The following SEC31A variants were observed in gnomAD, a reference collection of about 807,000 sequenced individuals.
The protein encoded by SEC31A is SEC31 homolog A, COPII component, also known as protein transport protein Sec31A.
A neutral mutation model predicts 151.0 loss-of-function variants in SEC31A; 70 were observed. The ratio of observed to expected loss-of-function variants is 0.46; its 90% CI spans 0.38 to 0.57. The LOEUF (loss-of-function observed/expected upper bound fraction) is 0.57. Among genes scored for constraint, SEC31A ranks in the 20% least tolerant of loss-of-function variants. SEC31A has a pLI of 0.00. For missense variants in SEC31A, 1,330 were observed against 1,471.2 expected, an observed-to-expected ratio of 0.90 and a Z score of 1.57; for synonymous variants, 475 against 505.9, an observed-to-expected ratio of 0.94 and a Z score of 0.82.
intron 8 of SEC31A, among the ~76,000 whole-genome samples, chr4:82,869,904 A>G (rs1441081401): frequency 1.3e-5 from 2 of 152,218 alleles, no homozygotes; most frequent in Non-Finnish European, 2.9e-5. Flanking sequence ...TATCATTCAG[A>G]AGAGAGATTG....
intron 22 of SEC31A, among the ~76,000 whole-genome samples, chr4:82,840,296 T>C (rs1365090245): frequency 6.6e-6 from 1 of 152,184 alleles, no homozygotes; most frequent in Non-Finnish European, 1.5e-5. Context: ...TAAGTGGGGA[T>C]TTACTCCAAC....
chr4:82,876,822 A>G (rs1001568615), intron 4 of SEC31A, among the ~76,000 whole-genome samples: 3 of 152,236 alleles, frequency 2.0e-5, no homozygotes, highest in Non-Finnish European at 2.9e-5. Context: ...GTTGGCATAT[A>G]ACTAAAAAAA....
intron 12 of SEC31A, 86 bp from the exon 13 acceptor site, chr4:82,862,658 G>T: frequency 1.7e-6 from 2 of 1,164,438 alleles, no homozygotes; most frequent in Admixed American, 1.8e-5. Flanking sequence ...TCTCACTGGC[G>T]AAAATCCACA....
At chr4:82,866,687 C>T in intron 10 of SEC31A, 121 bp downstream of exon 10, 1 of 860,530 alleles carries the variant, frequency 1.2e-6, no homozygotes, top group East Asian at 2.8e-5. Flanking sequence ...ATGAAATACC[C>T]ACAAGTACAT....
Position 82,867,254 on chromosome 4 carries a change from AT to A in SEC31A, c.944del (p.Asn315IlefsTer27). ...WCFDIQWCPR[N>X]PAVLSAASFD... ...ACGAAGCAGCTGATAAGACAGCAGG[AT>A]TTCGGGGACACCACTGAATATCGAA... On this transcript the variant is annotated frameshift_variant, in exon 9 of 27. Transcript: ENST00000395310. LOFTEE classifies it high-confidence loss of function. 1 of 1,614,208 alleles carries A rather than the reference AT, an allele frequency of 6.2e-7. No homozygotes were observed. Among genetic ancestry groups the A allele is most frequent in the Non-Finnish European group, 8.5e-7 (1 of 1,180,022 alleles).
chr4:82,829,427 A>G (rs373484555), intron 22 of SEC31A: 1 of 165,860 alleles, frequency 6.0e-6, no homozygotes, highest in Non-Finnish European at 1.3e-5. Context: ...AACAAACAAA[A>G]AAAAAACACA....
At chr4:82,894,543 T>C (rs1360363909), upstream of SEC31A, 1 of 152,268 alleles carries the variant, frequency 6.6e-6, no homozygotes, top group Non-Finnish European at 1.5e-5. Context: ...GTTGGTTTTC[T>C]TCAATTACGC....
intron 8 of SEC31A, among the ~76,000 whole-genome samples, chr4:82,869,206 G>A (rs1057337383): frequency 1.2e-4 from 18 of 151,812 alleles, no homozygotes; most frequent in South Asian, 4.2e-4. Flanking sequence ...TGCAAGCTCC[G>A]CCTCCCAGGT....
intron 17 of SEC31A, among the ~76,000 whole-genome samples, chr4:82,854,404 A>G (rs1227782586): frequency 6.7e-6 from 1 of 150,232 alleles, no homozygotes; most frequent in Non-Finnish European, 1.5e-5. Context: ...TGTAATTTTT[A>G]TATTCTTATA....
In SEC31A at chr4:82,848,867, C is replaced by A. The variant is rs749591409; in HGVS notation, c.2439G>T (p.Arg813Ser). 2 of 1,613,960 alleles carry A rather than the reference C, an allele frequency of 1.2e-6. No individual in the cohort carries two copies. Among genetic ancestry groups the A allele is most frequent in the African/African-American group, 2.7e-5 (2 of 74,912 alleles). The stretch of plus-strand genomic sequence containing the variant: ...GGTGGTGGCCAGCAACTGGTCCAGG[C>A]CTGCCCTTGGGGAGCTGCTGTTTCT... ...PYEKQQLPKG[R>S]PGPVAGHHQM... The change falls in exon 20 of 27, where the codon AGG (arginine) becomes AGT (serine). Residue 813 changes from arginine (R) to serine (S), a missense_variant. Physicochemically the swap from Arg to Ser is moderately radical, Grantham distance 110. Transcript: ENST00000395310.
chr4:82,847,135 A>C (rs564202785), intron 20 of SEC31A, among the ~76,000 whole-genome samples: 1 of 152,328 alleles, frequency 6.6e-6, no homozygotes, highest in South Asian at 2.1e-4. Context: ...TTAGGGGTTA[A>C]GTTCTGGGGA....
chr4:82,855,265 T>A (rs981614505), intron 16 of SEC31A, among the ~76,000 whole-genome samples: 14 of 152,158 alleles, frequency 9.2e-5, no homozygotes, highest in African/African-American at 3.4e-4. Context: ...TAAGGTGCTA[T>A]CAGAACCTTT....
At chr4:82,867,406 T>C in intron 8 of SEC31A, 90 bp from the exon 9 acceptor site, 6 of 1,085,012 alleles carry the variant, frequency 5.5e-6, no homozygotes, top group South Asian at 3.0e-5. Flanking sequence ...TCAACAAGTA[T>C]AGTTAAATTG....
At position 82,853,649 on chromosome 4, in the gene SEC31A, T is replaced by A. The variant is rs746923819; in HGVS notation, c.2075A>T (p.Tyr692Phe). The change falls in exon 18 of 27, where the codon TAT (tyrosine) becomes TTT (phenylalanine). Residue 692 changes from tyrosine to phenylalanine, a missense_variant. Transcript: ENST00000395310. The part of the protein sequence containing the change: ...SLLQTQACLC[Y>F]ICAGNVEKLV... ...TTTCTCTACATTCCCTGCACAAATA[T>A]AGCAGAGACATGCTTGAGTCTGCAG... The A allele has an allele frequency of 6.2e-7, 1 of 1,603,030 alleles. No homozygotes were observed. Among genetic ancestry groups the A allele is most frequent in the Non-Finnish European group, 8.5e-7 (1 of 1,177,042 alleles).
At chr4:82,847,756 T>C (rs1394242481) in intron 20 of SEC31A, among the ~76,000 whole-genome samples, 1 of 152,170 alleles carries the variant, frequency 6.6e-6, no homozygotes, top group Non-Finnish European at 1.5e-5. Context: ...TTACTCTGTT[T>C]TGTTCATAAC....
At chr4:82,835,825 T>C (rs542796626) in intron 22 of SEC31A, among the ~76,000 whole-genome samples, 102 of 152,208 alleles carry the variant, frequency 6.7e-4, no homozygotes, top group African/African-American at 2.2e-3. Context: ...ATTATGTGTA[T>C]GTGTGTGTTT....
At chr4:82,839,237 G>A (rs987151962) in intron 22 of SEC31A, among the ~76,000 whole-genome samples, 18 of 152,100 alleles carry the variant, frequency 1.2e-4, no homozygotes, top group Admixed American at 1.0e-3. Flanking sequence ...TTCAATCTCC[G>A]CCTCCTGGGT....
At chr4:82,820,454 C>T (rs1312185301) in intron 26 of SEC31A, among the ~76,000 whole-genome samples, 1 of 152,082 alleles carries the variant, frequency 6.6e-6, no homozygotes, top group African/African-American at 2.4e-5. Flanking sequence ...TTTTCTTCTC[C>T]TTTCCTAGTG....
Position 82,819,189 on chromosome 4 carries a change from G to A in SEC31A, c.3548C>T (p.Ser1183Leu), listed in dbSNP as rs750756108. Reference sequence around the variant, plus strand: ...GTGGGTATGCATGGTCAATCCTTCTGAGTAGTTTCGAGTTTCAATGCTCCT... The same window carrying A: ...GTGGGTATGCATGGTCAATCCTTCTAAGTAGTTTCGAGTTTCAATGCTCCT... The part of the protein sequence containing the change: ...IARSIETRNY[S>L]EGLTMHTHIV... Residue 1183 changes from serine (S) to leucine (L), a missense_variant, in exon 27 of 27, where the codon TCA (serine) becomes TTA (leucine). By Grantham distance (145) the Ser-to-Leu change is moderately radical. Coordinates refer to ENST00000395310, the MANE Select transcript of SEC31A (RefSeq NM_001077207.4). 9 of 1,611,808 alleles carry A rather than the reference G, an allele frequency of 5.6e-6. No individual in the cohort carries two copies. Among genetic ancestry groups the A allele is most frequent in the Non-Finnish European group, 6.8e-6 (8 of 1,179,028 alleles).
Sources: gnomAD v4.1 joint callset for allele counts (sites outside exome capture counted in the v4.1 genomes callset) on GRCh38, gnomAD v4.1.1 for gene constraint, MANE v1.5 for transcripts, NCBI Gene and HGNC (gene_info 2026-07-23, HGNC 2026-07-21) for gene names.